URB2: variants seen among roughly 807,000 people sequenced by gnomAD.
URB2 encodes the protein URB2 ribosome biogenesis homolog.
A neutral mutation model predicts 120.9 loss-of-function variants in URB2; 86 were observed. The observed-to-expected ratio is 0.71, with a 90% CI of 0.60 to 0.85. URB2 has a LOEUF of 0.85. URB2 is among the 40% of genes least tolerant of loss of function. URB2 has a pLI of 0.00. For missense variants in URB2, 1,765 were observed against 1,836.5 expected (o/e 0.96, Z 0.71); for synonymous variants, 755 against 758.4 (o/e 1.00, Z 0.07).
chr1:229,637,184 A>C lies in URB2; in HGVS notation c.2571A>C (p.Ala857=), dbSNP rs1483981144. The C allele has an allele frequency of 3.7e-6, 6 of 1,613,748 alleles. No homozygotes were observed. The highest frequency in any genetic ancestry group is 5.1e-6 in the Non-Finnish European group (6 of 1,179,802). The change falls in exon 4 of 10, where the codon GCA becomes GCC. Residue 857 remains alanine (A), a synonymous_variant. Transcript: ENST00000258243. ...TGGGTCATTGGGAAAACAGATTTGC[A>C]AAAGCTGGACCCGAAGGTATAGAAC... ...MVVGHWENRF[A]KAGPEGIEPR... is the part of the protein sequence containing the mutation.
chr1:229,628,178 T>C (rs1665568592), intron 2 of URB2, among the ~76,000 whole-genome samples: 1 of 91,924 alleles, frequency 1.1e-5, no homozygotes, highest in African/African-American at 4.2e-5. Context: ...TATATATGTA[T>C]ATAATATATA....
At chr1:229,642,734 C>T (rs888941748) in intron 4 of URB2, among the ~76,000 whole-genome samples, 1 of 152,070 alleles carries the variant, frequency 6.6e-6, no homozygotes, top group African/African-American at 2.4e-5. Context: ...TGCAGCCCTA[C>T]CGATTTTATA....
intron 2 of URB2, among the ~76,000 whole-genome samples, chr1:229,629,890 A>G (rs1429280409): frequency 6.6e-6 from 1 of 152,258 alleles, no homozygotes; most frequent in South Asian, 2.1e-4. Context: ...CATTTCAGCA[A>G]TGTTCACAGC....
Position 229,643,602 on chromosome 1 carries a change from T to C in URB2, c.3704T>C (p.Leu1235Ser), listed in dbSNP as rs1050178054. The change falls in exon 5 of 10, where the codon TTA (leucine) becomes TCA (serine). Residue 1235 changes from leucine (L) to serine (S), a missense_variant. Coordinates refer to ENST00000258243, the MANE Select transcript of URB2 (RefSeq NM_014777.4). Reference sequence around the variant, plus strand: ...TTGGGAGCCTTGTTCACCCAAATGTTAGAGGTTGGGACGACAGAGGACTTG... The same window carrying C: ...TTGGGAGCCTTGTTCACCCAAATGTCAGAGGTTGGGACGACAGAGGACTTG... ...PHLGALFTQM[L>S]EVGTTEDLRL... 1.9e-6 allele frequency: 3 copies of C among 1,614,172 alleles called. No individual in the cohort carries two copies. The highest frequency in any genetic ancestry group is 1.3e-5 in the African/African-American group (1 of 75,040).
chr1:229,635,703 C>T lies in URB2; in HGVS notation c.1090C>T (p.Leu364=). The change falls in exon 4 of 10, where the codon CTA becomes TTA. Residue 364 remains leucine (L), a synonymous_variant. Coordinates refer to ENST00000258243, the MANE Select transcript of URB2 (RefSeq NM_014777.4). ...AGAGCTTTTGGTTGTGGAACAGCTA[C>T]TAAACTCAGTGGCCAACAACAATAT... ...TTELLVVEQL[L]NSVANNNIYN... 1 of 1,614,204 alleles carries T rather than the reference C, an allele frequency of 6.2e-7. No individual in the cohort carries two copies. Among genetic ancestry groups the T allele is most frequent in the Non-Finnish European group, 8.5e-7 (1 of 1,180,050 alleles).
chr1:229,654,982 A>G (rs1175381325), intron 9 of URB2, among the ~76,000 whole-genome samples: 1 of 152,156 alleles, frequency 6.6e-6, no homozygotes, highest in East Asian at 1.9e-4. Context: ...CTCTCATAGG[A>G]CCAGGCTTAA....
chr1:229,637,336 G>A lies in URB2; in HGVS notation c.2723G>A (p.Ser908Asn). The A allele has an allele frequency of 6.2e-7, 1 of 1,614,180 alleles. No individual in the cohort carries two copies. The highest frequency in any genetic ancestry group is 8.5e-7 in the Non-Finnish European group (1 of 1,180,032). The change falls in exon 4 of 10, where the codon AGC (serine) becomes AAC (asparagine). Residue 908 changes from serine to asparagine, a missense_variant. Coordinates refer to ENST00000258243, the MANE Select transcript of URB2 (RefSeq NM_014777.4). ...GTGATTTCTGCCTTACAGCTGGACA[G>A]CCTCTTGCCACCCTATCATGTGCAT... Reference protein sequence around the residue: ...LEVISALQLDSLLPPYHVHYF... With the variant: ...LEVISALQLDNLLPPYHVHYF...
chr1:229,655,348 C>G (rs930414536), intron 9 of URB2, among the ~76,000 whole-genome samples: 2 of 152,182 alleles, frequency 1.3e-5, no homozygotes, highest in Non-Finnish European at 2.9e-5. Context: ...ATTCTTCTGC[C>G]TCAGCCCCCT....
At chr1:229,653,934 G>GTGT (rs1553275935) in intron 8 of URB2, among the ~76,000 whole-genome samples, 142 of 117,648 alleles carry the variant, frequency 1.2e-3, no homozygotes, top group African/African-American at 4.9e-3. Context: ...CTCCATCTTG[G>GTGT]TGTTTTTTTT....
At position 229,632,334 on chromosome 1, in the gene URB2, A is replaced by C; in HGVS notation, c.192A>C (p.Glu64Asp). The C allele has an allele frequency of 6.3e-7, 1 of 1,596,366 alleles. No homozygotes were observed. The highest frequency in any genetic ancestry group is 1.3e-5 in the African/African-American group (1 of 74,108). The change falls in exon 3 of 10, where the codon GAA becomes GAC. Residue 64 changes from glutamate to aspartate, a missense_variant. By Grantham distance (45) the Glu-to-Asp change is conservative. Coordinates refer to ENST00000258243, the MANE Select transcript of URB2 (RefSeq NM_014777.4). ...ATAAGAAAAAGCTTGAACTGAAGGAAGATATTGTTGAAAGGCTTTGGATCT... is the reference window on the plus strand; with the variant it reads ...ATAAGAAAAAGCTTGAACTGAAGGACGATATTGTTGAAAGGCTTTGGATCT... ...AFYKKKLELK[E>D]DIVERLWIYI... is the part of the protein sequence containing the mutation.
At chr1:229,638,281 A>G (rs1206817284) in intron 4 of URB2, 34 bp downstream of exon 4, 36 of 1,545,716 alleles carry the variant, frequency 2.3e-5, no homozygotes, top group Non-Finnish European at 2.9e-5. Context: ...ATTCTGTGTT[A>G]TAGAGGTCTG....
chr1:229,632,073 T>C (rs1429423532), intron 2 of URB2, among the ~76,000 whole-genome samples, 196 bp from the exon 3 acceptor site: 1 of 152,220 alleles, frequency 6.6e-6, no homozygotes, highest in African/African-American at 2.4e-5. Flanking sequence ...TTCCTGTTCT[T>C]ATCCTTTAAT....
At position 229,643,746 on chromosome 1, in the gene URB2, A is replaced by G. The variant is rs1017720385; in HGVS notation, c.3795+53A>G. 8 of 1,582,086 alleles carry G rather than the reference A, an allele frequency of 5.1e-6. No individual in the cohort carries two copies. In the Admixed American group the frequency reaches 5.5e-5, roughly 11 times the overall value. On this transcript the variant is annotated intron_variant, in intron 5 of 9. Coordinates refer to ENST00000258243, the MANE Select transcript of URB2 (RefSeq NM_014777.4). Reference sequence around the variant, plus strand: ...CAGGCTCAGAAACCACGTCGGCTCAAATGGGAAAACTGATTTGAGATGTGG... The same window carrying G: ...CAGGCTCAGAAACCACGTCGGCTCAGATGGGAAAACTGATTTGAGATGTGG...
intron 2 of URB2, among the ~76,000 whole-genome samples, chr1:229,628,471 C>T: frequency 6.6e-6 from 1 of 151,984 alleles, no homozygotes; most frequent in South Asian, 2.1e-4. Flanking sequence ...TGTTTGGAGA[C>T]ATTATATTAC....
chr1:229,640,555 A>G (rs1665980917), intron 4 of URB2, among the ~76,000 whole-genome samples: 1 of 152,080 alleles, frequency 6.6e-6, no homozygotes, highest in Non-Finnish European at 1.5e-5. Flanking sequence ...CGTCTGTGTT[A>G]AGCACACCTT....
chr1:229,651,210 T>C, intron 7 of URB2, 25 bp from the exon 8 acceptor site: 1 of 1,583,102 alleles, frequency 6.3e-7, no homozygotes, highest in African/African-American at 1.4e-5. Flanking sequence ...TATGTACTTT[T>C]ACATTCTGTT....
chr1:229,629,633 A>G (rs1303297545), intron 2 of URB2, among the ~76,000 whole-genome samples: 1 of 152,226 alleles, frequency 6.6e-6, no homozygotes, highest in African/African-American at 2.4e-5. Context: ...CTGAGCCTTT[A>G]GGGAGTCATC....
At chr1:229,627,495 TA>T in intron 1 of URB2, 125 bp from the exon 2 acceptor site, 1 of 911,192 alleles carries the variant, frequency 1.1e-6, no homozygotes, top group Non-Finnish European at 1.5e-6. Context: ...GTTGATTCAT[TA>T]AAAACTTTTA....
chr1:229,627,637 G>C lies in URB2; in HGVS notation c.4G>C (p.Ala2Pro). M[A>P]AVYSGISLKL... is the part of the protein sequence containing the mutation. ...AAATTTTAGATAAAGCCTAGCCATG[G>C]CTGCTGTTTATTCTGGCATTTCCCT... The change falls in exon 2 of 10, where the codon GCT becomes CCT. Residue 2 changes from alanine to proline, a missense_variant. Ala to Pro is a conservative substitution (Grantham distance 27). Coordinates refer to ENST00000258243, the MANE Select transcript of URB2 (RefSeq NM_014777.4). 6.2e-7 allele frequency: 1 copy of C among 1,611,264 alleles called. No homozygotes were observed. Among genetic ancestry groups the C allele is most frequent in the East Asian group, 2.2e-5 (1 of 44,786 alleles).
Sources: allele counts gnomAD v4.1 joint callset (sites outside exome capture counted in the v4.1 genomes callset), GRCh38; gene constraint gnomAD v4.1.1; transcripts MANE v1.5; gene names NCBI Gene and HGNC (gene_info 2026-07-23, HGNC 2026-07-21).